Variants in MED13L observed in about 807,000 individuals in gnomAD.
MED13L encodes mediator of RNA polymerase II transcription subunit 13-like.
Under a neutral mutation model 220.9 loss-of-function variants are expected in MED13L, and 7 were observed. The ratio of observed to expected loss-of-function variants is 0.03; its 90% CI spans 0.02 to 0.06. The LOEUF is 0.06. MED13L is among the 10% of genes least tolerant of loss of function. The probability of loss-of-function intolerance (pLI) is 1.00; values close to 1 mark genes in which losing one functional copy is unlikely to be tolerated. For synonymous variants in MED13L, 1,011 were observed against 1,015.2 expected (o/e 1.00, Z 0.08); for missense variants, 1,965 against 2,760.5 (o/e 0.71, Z 6.46).
chr12:116,214,488 T>C (rs1882885610), intron 2 of MED13L, among the ~76,000 whole-genome samples: 1 of 152,106 alleles, frequency 6.6e-6, no homozygotes, highest in Admixed American at 6.6e-5. Context: ...ATTTTCAAAA[T>C]ATAAACCAAG....
At chr12:116,111,270 A>C (rs1026942387) in intron 3 of MED13L, among the ~76,000 whole-genome samples, 158 bp downstream of exon 3, 2 of 152,204 alleles carry the variant, frequency 1.3e-5, no homozygotes, top group African/African-American at 4.8e-5. Context: ...CTAAATTTCA[A>C]ATTATATCAA....
chr12:116,092,164 G>A (rs963963526), intron 4 of MED13L, among the ~76,000 whole-genome samples: 2 of 152,222 alleles, frequency 1.3e-5, no homozygotes, highest in Non-Finnish European at 2.9e-5. Flanking sequence ...GGCACCACAT[G>A]TGCAAAGTAA....
intron 1 of MED13L, among the ~76,000 whole-genome samples, chr12:116,251,760 C>CA (rs144650640): frequency 7.1e-4 from 86 of 120,438 alleles, no homozygotes; most frequent in East Asian, 2.6e-3. Context: ...GACTCTGTCT[C>CA]AAAAAAAAAA....
intron 2 of MED13L, among the ~76,000 whole-genome samples, chr12:116,126,809 A>G (rs2137983531): frequency 6.6e-6 from 1 of 152,274 alleles, no homozygotes; most frequent in Admixed American, 6.5e-5. Context: ...AATGTGGGAA[A>G]GCCTTCCAAG....
intron 1 of MED13L, among the ~76,000 whole-genome samples, chr12:116,246,620 C>G (rs1284783511): frequency 6.8e-6 from 1 of 148,134 alleles, no homozygotes; most frequent in Non-Finnish European, 1.5e-5. Flanking sequence ...CCAGCCTGGG[C>G]AAGACAGCAA....
chr12:116,120,440 T>TTCTC lies in MED13L; in HGVS notation c.311-8932_311-8929dup, dbSNP rs67306353. Among the ~76,000 whole-genome samples the TTCTC allele has an allele frequency of 5.6e-3, 546 of 98,350 alleles. 9 individuals carry two copies. Among genetic ancestry groups the TTCTC allele is most frequent in the African/African-American group, 0.012 (316 of 25,364 alleles). The allele number at this position is 98,350 out of a possible 152,430, so 64.5% of individuals were successfully genotyped here. On this transcript the variant is annotated intron_variant, in intron 2 of 30. Transcript: ENST00000281928. ...TTTGGCTTCTTTAAATAATCTCTCT[T>TTCTC]TCTCTCTCTCTCTCTCTCTCTCTCT...
intron 2 of MED13L, among the ~76,000 whole-genome samples, chr12:116,198,722 G>C (rs889122150): frequency 1.7e-5 from 2 of 119,880 alleles, no homozygotes; most frequent in South Asian, 6.6e-4. Flanking sequence ...GCGCCATAAA[G>C]AAAGGGATCC....
chr12:116,191,868 G>A (rs1391685227), intron 2 of MED13L, among the ~76,000 whole-genome samples: 1 of 151,776 alleles, frequency 6.6e-6, no homozygotes, highest in East Asian at 1.9e-4. Flanking sequence ...AAGTACTATA[G>A]CATCAAAAGT....
chr12:116,099,720 C>A (rs1160413075), intron 3 of MED13L, among the ~76,000 whole-genome samples: 1 of 152,128 alleles, frequency 6.6e-6, no homozygotes, highest in African/African-American at 2.4e-5. Flanking sequence ...CCAGAAAAAA[C>A]AAACAAGGTC....
Position 116,244,448 on chromosome 12 carries a change from T to C in MED13L, c.73-6743A>G, listed in dbSNP as rs112602826. Among the ~76,000 whole-genome samples, 1,250 of 152,314 alleles carry C rather than the reference T, an allele frequency of 8.2e-3. 23 individuals are homozygous for C. Among genetic ancestry groups the C allele is most frequent in the African/African-American group, 0.028 (1,180 of 41,566 alleles). On this transcript the variant is annotated intron_variant, in intron 1 of 30. Coordinates refer to ENST00000281928, the MANE Select transcript of MED13L (RefSeq NM_015335.5). ...ACGGCAGGTGGAACAAGAGAGGATA[T>C]AGCATCAAAATTTTGAAGGCTAAGA...
intron 4 of MED13L, among the ~76,000 whole-genome samples, chr12:116,064,276 A>G (rs1360035094): frequency 1.3e-5 from 2 of 152,160 alleles, no homozygotes; most frequent in African/African-American, 4.8e-5. Flanking sequence ...ACTGAATACA[A>G]TGTAGATGCT....
At chr12:116,054,244 C>G (rs1228168166) in intron 4 of MED13L, among the ~76,000 whole-genome samples, 4 of 151,738 alleles carry the variant, frequency 2.6e-5, no homozygotes, top group Non-Finnish European at 5.9e-5. Context: ...GTACGTCTTA[C>G]CCTCATTTCC....
chr12:115,967,107 G>T (rs1328207015), intron 28 of MED13L, among the ~76,000 whole-genome samples: 1 of 136,542 alleles, frequency 7.3e-6, no homozygotes, highest in Non-Finnish European at 1.5e-5. Flanking sequence ...GGAGGCAAAG[G>T]TTGCAGTGAG....
At chr12:116,061,026 C>T (rs1367851110) in intron 4 of MED13L, among the ~76,000 whole-genome samples, 1 of 152,166 alleles carries the variant, frequency 6.6e-6, no homozygotes, top group Non-Finnish European at 1.5e-5. Flanking sequence ...ATCTCTGAGA[C>T]TCCACTCATG....
intron 4 of MED13L, among the ~76,000 whole-genome samples, chr12:116,092,770 T>C (rs1366463231): frequency 1.3e-5 from 2 of 151,686 alleles, no homozygotes; most frequent in African/African-American, 4.8e-5. Context: ...GGTATATGTG[T>C]GGTGGGGGGG....
chr12:116,241,710 G>A (rs568335725), intron 1 of MED13L, among the ~76,000 whole-genome samples: 40 of 152,198 alleles, frequency 2.6e-4, no homozygotes, highest in Middle Eastern at 6.8e-3. Context: ...CAACAGCAAC[G>A]CTACAAACTT....
At chr12:115,984,850 G>C (rs909239952) in intron 19 of MED13L, among the ~76,000 whole-genome samples, 1 of 151,892 alleles carries the variant, frequency 6.6e-6, no homozygotes, top group African/African-American at 2.4e-5. Context: ...CACTGAAGCA[G>C]TGAGTATGCT....
Position 115,975,232 on chromosome 12 carries a change from T to C in MED13L, c.5670A>G (p.Thr1890=), listed in dbSNP as rs1192058175. The C allele has an allele frequency of 6.2e-7, 1 of 1,614,050 alleles. No individual in the cohort carries two copies. The highest frequency in any genetic ancestry group is 2.2e-5 in the East Asian group (1 of 44,882). Residue 1890 remains threonine, a synonymous_variant, in exon 25 of 31, where the codon ACA becomes ACG. Coordinates refer to ENST00000281928, the MANE Select transcript of MED13L (RefSeq NM_015335.5). ...WEWCIGIVQM[T]SLPWRVVIGR... Reference sequence around the variant, plus strand: ...CGATTACAACTCTCCAGGGTAGAGATGTCATTTGGACAATCCCTATGCACC... The same window carrying C: ...CGATTACAACTCTCCAGGGTAGAGACGTCATTTGGACAATCCCTATGCACC...
intron 3 of MED13L, among the ~76,000 whole-genome samples, chr12:116,098,810 C>T (rs549134681): frequency 6.6e-6 from 1 of 152,078 alleles, no homozygotes; most frequent in Non-Finnish European, 1.5e-5. Flanking sequence ...GACTGTGACT[C>T]CATTAAATTT....
Sources: gnomAD v4.1 joint callset for allele counts (sites outside exome capture counted in the v4.1 genomes callset) on GRCh38, gnomAD v4.1.1 for gene constraint, MANE v1.5 for transcripts, NCBI Gene and HGNC (gene_info 2026-07-23, HGNC 2026-07-21) for gene names.